HSD17B12: variants seen among roughly 807,000 people sequenced by gnomAD.
HSD17B12 encodes the protein very-long-chain 3-oxoacyl-CoA reductase.
In HSD17B12, 32 loss-of-function variants were observed where a neutral mutation model predicts 39.3. The observed-to-expected ratio is 0.81, with a 90% CI of 0.61 to 1.09. HSD17B12 has a LOEUF of 1.09. Ranked by LOEUF, HSD17B12 falls within the 50% of genes least tolerant of loss-of-function variation. The pLI, the probability that HSD17B12 is intolerant of heterozygous loss-of-function variation, is 0.00. For synonymous variants in HSD17B12, 150 were observed against 146.7 expected (o/e 1.02, Z -0.16); for missense variants, 342 against 382.9 (o/e 0.89, Z 0.89).
the HSD17B12 span, among the ~76,000 whole-genome samples, chr11:43,622,226 T>A: frequency 6.6e-6 from 1 of 152,186 alleles, no homozygotes; most frequent in Non-Finnish European, 1.5e-5. Context: ...CTGAAGGAAT[T>A]GCATCACATG....
the HSD17B12 span, among the ~76,000 whole-genome samples, chr11:43,579,926 A>G: frequency 1.3e-5 from 2 of 152,012 alleles, no homozygotes; most frequent in Non-Finnish European, 2.9e-5. Flanking sequence ...CCAAAGAACA[A>G]ATATGGCAAC....
chr11:43,837,528 G>A (rs1274720250), intron 7 of HSD17B12, among the ~76,000 whole-genome samples: 1 of 152,138 alleles, frequency 6.6e-6, no homozygotes, highest in Non-Finnish European at 1.5e-5. Flanking sequence ...CTTTTCTCAA[G>A]CTAATTTTCA....
chr11:43,638,982 A>T, the HSD17B12 span, among the ~76,000 whole-genome samples: 3 of 152,154 alleles, frequency 2.0e-5, no homozygotes, highest in East Asian at 5.8e-4. Context: ...CTGAATAAGG[A>T]CACTTGTGAA....
At chr11:43,601,621 C>G in the HSD17B12 span, among the ~76,000 whole-genome samples, 1 of 151,960 alleles carries the variant, frequency 6.6e-6, no homozygotes, top group Non-Finnish European at 1.5e-5. Flanking sequence ...AGAGTTCACA[C>G]TGTCTGGTTT....
intron 1 of HSD17B12, among the ~76,000 whole-genome samples, chr11:43,712,601 T>G (rs1205347860): frequency 1.3e-5 from 2 of 152,174 alleles, no homozygotes; most frequent in Non-Finnish European, 2.9e-5. Flanking sequence ...CTTCCAGATC[T>G]AACCAATGTA....
chr11:43,645,282 C>T, the HSD17B12 span: 1 of 152,178 alleles, frequency 6.6e-6, no homozygotes, highest in African/African-American at 2.4e-5. Context: ...TTGTTTCTGC[C>T]ACAATGTACT....
intron 3 of HSD17B12, 36 bp downstream of exon 3, chr11:43,754,157 TA>T (rs1165567486): frequency 7.3e-7 from 1 of 1,371,014 alleles, no homozygotes; most frequent in Admixed American, 1.8e-5. Flanking sequence ...AATACATAGC[TA>T]ATTAATGTTT....
chr11:43,666,814 T>A, the HSD17B12 span, among the ~76,000 whole-genome samples: 1 of 152,252 alleles, frequency 6.6e-6, no homozygotes, highest in East Asian at 1.9e-4. Flanking sequence ...AAATGTTCCA[T>A]GTAAACAGGG....
the HSD17B12 span, among the ~76,000 whole-genome samples, chr11:43,651,619 G>A: frequency 5.6e-4 from 85 of 152,190 alleles, no homozygotes; most frequent in African/African-American, 1.8e-3. Flanking sequence ...TCGCTCTGTC[G>A]CCCCAGGCTG....
chr11:43,683,853 T>C (rs2134740522), intron 1 of HSD17B12, among the ~76,000 whole-genome samples: 1 of 152,342 alleles, frequency 6.6e-6, no homozygotes, highest in Non-Finnish European at 1.5e-5. Flanking sequence ...GTGAGTATCT[T>C]CATGTGAGTA....
At chr11:43,830,673 A>G in intron 6 of HSD17B12, 1 of 202,370 alleles carries the variant, frequency 4.9e-6, no homozygotes. Flanking sequence ...GGAAATGTAG[A>G]TTTTCACTGT....
At chr11:43,605,561 CAAAAAAAAA>C in the HSD17B12 span, among the ~76,000 whole-genome samples, 1 of 74,606 alleles carries the variant, frequency 1.3e-5, no homozygotes, top group African/African-American at 5.2e-5. Context: ...AACTCCATCT[CAAAAAAAAA>C]AAAAAAAAAA....
At chr11:43,690,377 TATATATATATATA>T (rs1949844354) in intron 1 of HSD17B12, among the ~76,000 whole-genome samples, 1 of 9,986 alleles carries the variant, frequency 1.0e-4, no homozygotes, top group African/African-American at 4.6e-4. Context: ...TATATATATA[TATATATATATATA>T]TATATATATA....
chr11:43,612,710 G>A, the HSD17B12 span, among the ~76,000 whole-genome samples: 1 of 152,188 alleles, frequency 6.6e-6, no homozygotes, highest in African/African-American at 2.4e-5. Flanking sequence ...GATGAAGGAA[G>A]AAGATGATGC....
intron 4 of HSD17B12, among the ~76,000 whole-genome samples, chr11:43,803,961 C>G (rs1270116089): frequency 6.6e-6 from 1 of 152,180 alleles, no homozygotes; most frequent in Admixed American, 6.5e-5. Context: ...TTAGGAGAGA[C>G]TCTCATGTGT....
chr11:43,716,301 G>T (rs1251870454), intron 1 of HSD17B12, among the ~76,000 whole-genome samples: 5 of 152,120 alleles, frequency 3.3e-5, no homozygotes, highest in Non-Finnish European at 7.3e-5. Flanking sequence ...TATCTACTCT[G>T]TAGGAATTTT....
At position 43,711,522 on chromosome 11, in the gene HSD17B12, T is replaced by A. The variant is rs1161162371; in HGVS notation, c.160+30535T>A. On this transcript the variant is annotated intron_variant, in intron 1 of 10. Coordinates refer to ENST00000278353, the MANE Select transcript of HSD17B12 (RefSeq NM_016142.3). ...CAGGGTCTTGCTCTGTTGCCGAGGC[T>A]AGAGTGCAGTGGTACAATCACGGCT... 6.6e-5 allele frequency among the ~76,000 whole-genome samples: 10 copies of A among 150,382 alleles called. No homozygotes were observed. The South Asian group carries it at 1.7e-3, about 25-fold the overall frequency.
At chr11:43,619,696 T>C in the HSD17B12 span, among the ~76,000 whole-genome samples, 2 of 152,018 alleles carry the variant, frequency 1.3e-5, no homozygotes, top group African/African-American at 2.4e-5. Flanking sequence ...CCAGCCACAC[T>C]TTTCCTTTCA....
At chr11:43,771,503 G>A (rs1950649563) in intron 3 of HSD17B12, among the ~76,000 whole-genome samples, 1 of 115,576 alleles carries the variant, frequency 8.7e-6, no homozygotes, top group African/African-American at 3.4e-5. Flanking sequence ...GTATCGCTCT[G>A]TCACCTAGGC....
Sources: gnomAD v4.1 joint callset for allele counts (sites outside exome capture counted in the v4.1 genomes callset) on GRCh38, gnomAD v4.1.1 for gene constraint, MANE v1.5 for transcripts, NCBI Gene and HGNC (gene_info 2026-07-23, HGNC 2026-07-21) for gene names.